RTN4: variants seen among roughly 807,000 people sequenced by gnomAD.
The protein encoded by RTN4 is reticulon 4.
In RTN4, 32 loss-of-function variants were observed where a neutral mutation model predicts 90.4. That is an observed-to-expected ratio of 0.35 (90% CI 0.27 to 0.48). The LOEUF is 0.48. Ranked by LOEUF, RTN4 falls within the 20% of genes least tolerant of loss-of-function variation. RTN4 has a pLI of 0.99. For missense variants in RTN4, 1,706 were observed against 1,430.2 expected (o/e 1.19, Z -3.11); for synonymous variants, 629 against 552.5 (o/e 1.14, Z -1.94).
intron 1 of RTN4, among the ~76,000 whole-genome samples, chr2:55,083,467 G>C (rs528527872): frequency 1.3e-5 from 2 of 151,900 alleles, no homozygotes; most frequent in South Asian, 2.1e-4. Flanking sequence ...CTGCACTTCC[G>C]GCCTGGACAA....
chr2:55,027,029 T>C lies in RTN4; in HGVS notation c.1070A>G (p.Asp357Gly), dbSNP rs11677099. ...PTALTKLVKE[D>G]EVVSSEKAKD... ...TGCTTTTTCTGAAGACACAACTTCA[T>C]CCTCTTTAACCAATTTAGTAAGAGC... Residue 357 changes from aspartate (D) to glycine (G), a missense_variant, in exon 3 of 9, where the codon GAT becomes GGT. Transcript: ENST00000337526. The C allele has an allele frequency of 9.3e-6, 15 of 1,613,586 alleles. No homozygotes were observed. The highest frequency in any genetic ancestry group is 1.2e-5 in the Non-Finnish European group (14 of 1,179,872).
At chr2:55,102,042 GCTT>G (rs1667862081) in intron 1 of RTN4, among the ~76,000 whole-genome samples, 1 of 151,984 alleles carries the variant, frequency 6.6e-6, no homozygotes, top group South Asian at 2.1e-4. Context: ...ACAAAAAAAG[GCTT>G]CTGCTTTTAT....
chr2:55,112,952 T>C (rs1468457204), upstream of RTN4, among the ~76,000 whole-genome samples: 6 of 152,124 alleles, frequency 3.9e-5, no homozygotes, highest in Admixed American at 6.5e-5. Context: ...GAAAAATTGC[T>C]CTCTAGACAC....
intron 3 of RTN4, among the ~76,000 whole-genome samples, chr2:55,002,646 G>C (rs986352166): frequency 6.6e-6 from 1 of 152,114 alleles, no homozygotes; most frequent in Non-Finnish European, 1.5e-5. Flanking sequence ...TGCACTCCTA[G>C]TTTTCCTAAA....
intron 1 of RTN4, among the ~76,000 whole-genome samples, chr2:55,034,882 T>C (rs558407269): frequency 6.6e-6 from 1 of 152,322 alleles, no homozygotes; most frequent in Admixed American, 6.5e-5. Context: ...TATGAAAGTA[T>C]GTTTTATTAC....
At chr2:54,973,271 C>T (rs1297303856) in intron 8 of RTN4, 73 bp from the exon 9 acceptor site, 2 of 1,262,712 alleles carry the variant, frequency 1.6e-6, no homozygotes, top group South Asian at 1.3e-5. Flanking sequence ...CCAAGAACTA[C>T]TTGTATGTTA....
intron 1 of RTN4, among the ~76,000 whole-genome samples, chr2:55,031,241 C>T (rs7607946): frequency 0.057 from 8,743 of 152,216 alleles, 781 homozygotes; most frequent in African/African-American, 0.19. Context: ...GGACAAGAGG[C>T]AGGACAGCAG....
At chr2:55,111,847 C>T (rs1468282955) in intron 1 of RTN4, among the ~76,000 whole-genome samples, 1 of 152,200 alleles carries the variant, frequency 6.6e-6, no homozygotes, top group Non-Finnish European at 1.5e-5. Flanking sequence ...ATCCATCTTC[C>T]CGAATGCTGC....
chr2:55,124,283 C>T, the RTN4 span, among the ~76,000 whole-genome samples: 5 of 152,312 alleles, frequency 3.3e-5, no homozygotes, highest in East Asian at 3.9e-4. Flanking sequence ...TCAGTCTTTC[C>T]GTCTAGATCC....
At chr2:55,125,296 GA>G in the RTN4 span, among the ~76,000 whole-genome samples, 1 of 152,172 alleles carries the variant, frequency 6.6e-6, no homozygotes, top group African/African-American at 2.4e-5. Flanking sequence ...CACAGCAAAA[GA>G]AACTATCAAT....
intron 1 of RTN4, among the ~76,000 whole-genome samples, chr2:55,047,314 G>C (rs897991727): frequency 4.2e-4 from 62 of 148,078 alleles, no homozygotes; most frequent in African/African-American, 1.5e-3. Flanking sequence ...TGGTGACAAG[G>C]GGGAGACTAT....
chr2:55,023,510 A>C (rs940135140), intron 3 of RTN4, among the ~76,000 whole-genome samples: 1 of 151,984 alleles, frequency 6.6e-6, no homozygotes, highest in African/African-American at 2.4e-5. Flanking sequence ...CTTTCCACTC[A>C]CTACAATCAA....
chr2:55,066,637 T>TG (rs1167138251), intron 2 of RTN4, among the ~76,000 whole-genome samples: 1 of 151,954 alleles, frequency 6.6e-6, no homozygotes, highest in African/African-American at 2.4e-5. Context: ...GAGGTTGCAG[T>TG]GAGCCAAGAT....
At chr2:55,022,126 C>T (rs1681487117) in intron 3 of RTN4, among the ~76,000 whole-genome samples, 1 of 152,130 alleles carries the variant, frequency 6.6e-6, no homozygotes. Flanking sequence ...ATAGGTGACT[C>T]CTGAAATACT....
intron 2 of RTN4, among the ~76,000 whole-genome samples, chr2:55,062,811 T>C (rs576651821): frequency 3.1e-4 from 47 of 152,352 alleles, no homozygotes; most frequent in African/African-American, 1.1e-3. Context: ...CATTTTAACA[T>C]CAATTGAAAA....
At chr2:55,022,951 T>A (rs1295682717) in intron 3 of RTN4, among the ~76,000 whole-genome samples, 1 of 127,782 alleles carries the variant, frequency 7.8e-6, no homozygotes, top group African/African-American at 2.6e-5. Context: ...CGCACATGCA[T>A]TCTTTCTCTC....
At chr2:55,091,282 C>A (rs1421838381) in intron 1 of RTN4, among the ~76,000 whole-genome samples, 2 of 152,196 alleles carry the variant, frequency 1.3e-5, no homozygotes, top group Non-Finnish European at 2.9e-5. Flanking sequence ...ACCACTCTGA[C>A]CTCTTTCTTC....
chr2:55,026,130 G>T lies in RTN4; in HGVS notation c.1969C>A (p.Pro657Thr). 1 of 1,613,378 alleles carries T rather than the reference G, an allele frequency of 6.2e-7. No individual in the cohort carries two copies. ...ACACTCATGGCCTCTTCATATGGTG[G>T]GGGGTTTTCAGGCTCATGTTTTATG... Reference protein sequence around the residue: ...ESIKHEPENPPPYEEAMSVSL... With the variant: ...ESIKHEPENPTPYEEAMSVSL... Residue 657 changes from proline to threonine, a missense_variant, in exon 3 of 9, where the codon CCA becomes ACA. Transcript: ENST00000337526.
intron 5 of RTN4, among the ~76,000 whole-genome samples, chr2:54,982,032 G>A (rs974111212): frequency 2.6e-5 from 4 of 151,934 alleles, no homozygotes; most frequent in Admixed American, 6.6e-5. Context: ...TCAGCTCACC[G>A]AAACCTCTGC....
Sources: allele counts gnomAD v4.1 joint callset (sites outside exome capture counted in the v4.1 genomes callset), GRCh38; gene constraint gnomAD v4.1.1; transcripts MANE v1.5; gene names NCBI Gene and HGNC (gene_info 2026-07-23, HGNC 2026-07-21).